The following COPS3 variants were observed in gnomAD, a reference collection of about 807,000 sequenced individuals.
COPS3 encodes COP9 signalosome complex subunit 3.
In COPS3, 10 loss-of-function variants were observed where a neutral mutation model predicts 58.2. That is an observed-to-expected ratio of 0.17 (90% CI 0.11 to 0.29). The LOEUF is 0.29. Ranked by LOEUF, COPS3 falls within the 10% of genes least tolerant of loss-of-function variation. The pLI is 1.00. For missense variants in COPS3, 333 were observed against 510.1 expected (o/e 0.65, Z 3.34); for synonymous variants, 187 against 181.7 (o/e 1.03, Z -0.24).
At chr17:17,256,617 T>C (rs752520596) in intron 8 of COPS3, among the ~76,000 whole-genome samples, 43 of 152,154 alleles carry the variant, frequency 2.8e-4, no homozygotes, top group Admixed American at 6.6e-4. Flanking sequence ...CCTTTTTTTT[T>C]TGAGATGGAG....
intron 2 of COPS3, among the ~76,000 whole-genome samples, chr17:17,275,062 G>T (rs2048432169): frequency 6.6e-6 from 1 of 150,734 alleles, no homozygotes; most frequent in Non-Finnish European, 1.5e-5. Context: ...GGCCCCCTTA[G>T]TATGTTCTCA....
At position 17,280,813 on chromosome 17, in the gene COPS3, C is replaced by G. The variant is rs1023716118; in HGVS notation, c.55+319G>C. 1.1e-5 allele frequency: 14 copies of G among 1,247,484 alleles called. No individual in the cohort carries two copies. The East Asian group carries it at 4.6e-4, about 41-fold the overall frequency. The allele number at this position is 1,247,484 out of a possible 1,614,324, so 77.3% of individuals were successfully genotyped here. ...GAGACAGAAGGAACCAATAGTCGCC[C>G]GAGATGGCTCCTGGCGGAAGTCACG... is the stretch of plus-strand genomic sequence containing the variant. On this transcript the variant is annotated intron_variant, in intron 1 of 11. Transcript: ENST00000268717.
At chr17:17,247,361 G>A (rs986013831) in intron 11 of COPS3, 119 bp downstream of exon 11, 27 of 1,023,240 alleles carry the variant, frequency 2.6e-5, no homozygotes, top group East Asian at 1.2e-4. Context: ...CTCCATGACC[G>A]TACTGGTAAG....
At chr17:17,251,547 C>T (rs12937908) in intron 9 of COPS3, among the ~76,000 whole-genome samples, 76,394 of 151,554 alleles carry the variant, frequency 0.5, 19,682 homozygotes, top group East Asian at 0.62. Context: ...AGCTGCCTGC[C>T]TCAGCCTCCC....
At chr17:17,279,237 C>T (rs2048524975) in intron 1 of COPS3, among the ~76,000 whole-genome samples, 2 of 152,224 alleles carry the variant, frequency 1.3e-5, no homozygotes, top group Admixed American at 6.6e-5. Context: ...ATGAAAGTTA[C>T]CATATTTATC....
chr17:17,249,022 A>T lies in COPS3; in HGVS notation c.1041T>A (p.Ile347=). ...CGTCCTTCTGGTTAATACTTGCAAA[A>T]ATCTCACCATCTTCTATCTGCAGAA... is the stretch of plus-strand genomic sequence containing the variant. The part of the protein sequence containing the change: ...YVLHMIEDGE[I]FASINQKDGM... The change falls in exon 10 of 12, where the codon ATT becomes ATA. Residue 347 remains isoleucine, a synonymous_variant. Coordinates refer to ENST00000268717, the MANE Select transcript of COPS3 (RefSeq NM_003653.4). 3.8e-6 allele frequency: 6 copies of T among 1,597,470 alleles called. No individual in the cohort carries two copies. The highest frequency in any genetic ancestry group is 5.1e-6 in the Non-Finnish European group (6 of 1,174,110).
Position 17,267,739 on chromosome 17 carries a change from T to C in COPS3, c.441+146A>G, listed in dbSNP as rs1055983432. The stretch of plus-strand genomic sequence containing the variant: ...AGTTTGCATCCAGCACCCGCCTGAA[T>C]GTAATAGATGTACCTACATATTCCA... On this transcript the variant is annotated intron_variant, in intron 5 of 11. Coordinates refer to ENST00000268717, the MANE Select transcript of COPS3 (RefSeq NM_003653.4). 5 of 615,778 alleles carry C rather than the reference T, an allele frequency of 8.1e-6. No homozygotes were observed. The Admixed American group carries it at 1.3e-4, about 17-fold the overall frequency. The allele number at this position is 615,778 out of a possible 1,614,324, so 38.1% of individuals were successfully genotyped here.
At chr17:17,252,683 G>A (rs1005558068) in intron 9 of COPS3, among the ~76,000 whole-genome samples, 11 of 152,198 alleles carry the variant, frequency 7.2e-5, no homozygotes, top group Admixed American at 3.3e-4. Context: ...ACCCCGCAAC[G>A]CGTTGCTAGC....
At chr17:17,261,695 AG>A (rs1369616746) in intron 7 of COPS3, 6 of 430,998 alleles carry the variant, frequency 1.4e-5, no homozygotes, top group Admixed American at 3.8e-5. Context: ...CTCTGTCTCT[AG>A]GGAAAAAAAA....
intron 2 of COPS3, 114 bp from the exon 3 acceptor site, chr17:17,271,122 A>C (rs1455999607): frequency 5.1e-6 from 4 of 782,644 alleles, no homozygotes; most frequent in Non-Finnish European, 8.6e-6. Context: ...TTAAATGAGC[A>C]ACAGTATTTT....
Position 17,246,820 on chromosome 17 carries a change from T to G in COPS3, c.*278A>C, listed in dbSNP as rs1009296796. 1 of 421,456 alleles carries G rather than the reference T, an allele frequency of 2.4e-6. No individual in the cohort carries two copies. Among genetic ancestry groups the G allele is most frequent in the African/African-American group, 2.0e-5 (1 of 50,808 alleles). The allele number at this position is 421,456 out of a possible 1,614,324, so 26.1% of individuals were successfully genotyped here. A position where few individuals can be genotyped will look rare whatever the true frequency, so the allele number is the denominator to read the frequency against. ...GAAAAAAGTGATACAGAAGACACATTAATGTTCAAGCAACTTAAAACAAAA... is the reference window on the plus strand; with the variant it reads ...GAAAAAAGTGATACAGAAGACACATGAATGTTCAAGCAACTTAAAACAAAA... On this transcript the variant is annotated 3_prime_UTR_variant, in exon 12 of 12. Transcript: ENST00000268717.
At chr17:17,269,815 G>A (rs956100060) in intron 4 of COPS3, among the ~76,000 whole-genome samples, 1 of 152,086 alleles carries the variant, frequency 6.6e-6, no homozygotes, top group Non-Finnish European at 1.5e-5. Context: ...CTTTTCACTG[G>A]GGGAAAATCT....
chr17:17,265,590 G>C lies in COPS3; in HGVS notation c.442-609C>G, dbSNP rs181465665. On this transcript the variant is annotated intron_variant, in intron 5 of 11. Coordinates refer to ENST00000268717, the MANE Select transcript of COPS3 (RefSeq NM_003653.4). ...ATTTTTGTATTTTTAGTAGAGACAG[G>C]GTTTCACCACATTAGCCAGGCTGGT... 3.3e-5 allele frequency among the ~76,000 whole-genome samples: 5 copies of C among 152,064 alleles called. No individual in the cohort carries two copies. The East Asian group carries it at 9.7e-4, about 29-fold the overall frequency.
chr17:17,267,606 C>T (rs1420610521), intron 5 of COPS3, among the ~76,000 whole-genome samples: 1 of 148,414 alleles, frequency 6.7e-6, no homozygotes, highest in Non-Finnish European at 1.5e-5. Flanking sequence ...CCACTGCACT[C>T]CAGCATGGGC....
intron 2 of COPS3, among the ~76,000 whole-genome samples, chr17:17,274,284 C>G (rs1255833576): frequency 6.6e-6 from 1 of 151,938 alleles, no homozygotes; most frequent in Non-Finnish European, 1.5e-5. Context: ...CTATTGTGAA[C>G]CCCAGATGAA....
chr17:17,271,177 C>T (rs1346665490), intron 2 of COPS3, among the ~76,000 whole-genome samples, 169 bp from the exon 3 acceptor site: 1 of 152,156 alleles, frequency 6.6e-6, no homozygotes, highest in Non-Finnish European at 1.5e-5. Context: ...TGCCCGTAAT[C>T]CAAGCACTTT....
At chr17:17,257,524 G>A (rs1391458072) in intron 8 of COPS3, among the ~76,000 whole-genome samples, 3 of 151,948 alleles carry the variant, frequency 2.0e-5, no homozygotes, top group Non-Finnish European at 2.9e-5. Flanking sequence ...TAGGCCGGGC[G>A]TGGTGGCTCA....
rs1288914584 is a variant in COPS3 at position 17,248,981 on chromosome 17, T to C, written c.1082A>G (p.His361Arg). The change falls in exon 10 of 12, where the codon CAT becomes CGT. Residue 361 changes from histidine to arginine, a missense_variant. Transcript: ENST00000268717. The stretch of plus-strand genomic sequence containing the variant: ...GTTATTATATTTTTCAGGGTTATCA[T>C]GGAAACTGACCATACCGTCCTTCTG... Reference protein sequence around the residue: ...INQKDGMVSFHDNPEKYNNPA... With the variant: ...INQKDGMVSFRDNPEKYNNPA... 6.2e-7 allele frequency: 1 copy of C among 1,611,798 alleles called. No homozygotes were observed. Among genetic ancestry groups the C allele is most frequent in the African/African-American group, 1.3e-5 (1 of 74,700 alleles).
At chr17:17,248,722 T>G (rs140397319) in intron 10 of COPS3, among the ~76,000 whole-genome samples, 78 of 152,288 alleles carry the variant, frequency 5.1e-4, no homozygotes, top group African/African-American at 1.8e-3. Context: ...AGTGGCACAA[T>G]CTCGGCTCAC....
Sources: gnomAD v4.1 joint callset for allele counts (sites outside exome capture counted in the v4.1 genomes callset) on GRCh38, gnomAD v4.1.1 for gene constraint, MANE v1.5 for transcripts, NCBI Gene and HGNC (gene_info 2026-07-23, HGNC 2026-07-21) for gene names.